APAF1: variants seen among roughly 807,000 people sequenced by gnomAD.
APAF1 encodes the protein apoptotic peptidase activating factor 1, also known as apoptotic protease-activating factor 1.
APAF1 carries 91 observed loss-of-function variants against 152.4 expected under a neutral mutation model. The observed-to-expected ratio is 0.60, with a 90% CI of 0.50 to 0.71. APAF1 has a LOEUF of 0.71. Among genes scored for constraint, APAF1 ranks in the 30% least tolerant of loss-of-function variants. The pLI, the probability that APAF1 is intolerant of heterozygous loss-of-function variation, is 0.00. For synonymous variants in APAF1, 484 were observed against 494.1 expected (o/e 0.98, Z 0.27); for missense variants, 1,283 against 1,472.0 (o/e 0.87, Z 2.10).
rs139121628 is a variant in APAF1 at position 98,709,011 on chromosome 12, A to T, written c.2841+307A>T. Among the ~76,000 whole-genome samples the T allele has an allele frequency of 5.9e-5, 9 of 152,316 alleles. No individual in the cohort carries two copies. In the East Asian group the frequency reaches 1.5e-3, roughly 26 times the overall value. ...CATGTTGTCTACAAGAGTGATTCAGACATGTCTGATGGAGTGTGCAAGGGG... is the reference window on the plus strand; with the variant it reads ...CATGTTGTCTACAAGAGTGATTCAGTCATGTCTGATGGAGTGTGCAAGGGG... On this transcript the variant is annotated intron_variant, in intron 20 of 26. Transcript: ENST00000551964.
In APAF1 at chr12:98,671,584, A is replaced by G. The variant is rs1593047221; in HGVS notation, c.1658A>G (p.His553Arg). Residue 553 changes from histidine to arginine, a missense_variant, in exon 12 of 27, where the codon CAC (histidine) becomes CGC (arginine). His to Arg is a conservative substitution (Grantham distance 29). Transcript: ENST00000551964. ...CAGGAGTTTTTATCTTTAAATGGACACCTTCTTGGACGACAGCCATTTCCT... is the reference window on the plus strand; with the variant it reads ...CAGGAGTTTTTATCTTTAAATGGACGCCTTCTTGGACGACAGCCATTTCCT... ...NFQEFLSLNG[H>R]LLGRQPFPNI... is the part of the protein sequence containing the mutation. 6.2e-7 allele frequency: 1 copy of G among 1,613,828 alleles called. No homozygotes were observed. The highest frequency in any genetic ancestry group is 1.3e-5 in the African/African-American group (1 of 74,864).
rs111960050 is a variant in APAF1 at position 98,707,910 on chromosome 12, G to A, written c.2722-675G>A. ...CTGCATCACTAGACACAGTTACAGTGTGTTTAGTGATGTAGTTGATTTACG... is the reference window on the plus strand; with the variant it reads ...CTGCATCACTAGACACAGTTACAGTATGTTTAGTGATGTAGTTGATTTACG... On this transcript the variant is annotated intron_variant, in intron 19 of 26. Transcript: ENST00000551964. 3.3e-3 allele frequency among the ~76,000 whole-genome samples: 498 copies of A among 152,268 alleles called. 6 individuals carry two copies. The highest frequency in any genetic ancestry group is 0.011 in the African/African-American group (474 of 41,572).
chr12:98,704,844 A>G (rs1593090849), intron 18 of APAF1, among the ~76,000 whole-genome samples: 1 of 152,212 alleles, frequency 6.6e-6, no homozygotes, highest in South Asian at 2.1e-4. Flanking sequence ...TAGTGTTGTA[A>G]TCTCAGCTCA....
intron 4 of APAF1, among the ~76,000 whole-genome samples, chr12:98,653,350 A>G (rs1217732946): frequency 6.6e-6 from 1 of 152,008 alleles, no homozygotes; most frequent in Non-Finnish European, 1.5e-5. Flanking sequence ...GGCATAAATT[A>G]AAGAATATTA....
At chr12:98,691,403 A>T (rs1272911924) in intron 16 of APAF1, among the ~76,000 whole-genome samples, 1 of 151,982 alleles carries the variant, frequency 6.6e-6, no homozygotes, top group East Asian at 1.9e-4. Flanking sequence ...AAAACCTTTG[A>T]TTCTTCCTTG....
At chr12:98,683,095 C>A (rs766028734) in intron 14 of APAF1, 48 bp from the exon 15 acceptor site, 2 of 1,494,666 alleles carry the variant, frequency 1.3e-6, no homozygotes, top group East Asian at 4.6e-5. Context: ...CTCTGTTCTC[C>A]CTTTGAAAAT....
chr12:98,676,429 G>A (rs568784482), intron 12 of APAF1, among the ~76,000 whole-genome samples: 4 of 151,998 alleles, frequency 2.6e-5, no homozygotes, highest in Admixed American at 6.5e-5. Context: ...AGCTCATCTC[G>A]AACTCCTGAC....
Position 98,708,723 on chromosome 12 carries a change from A to G in APAF1, c.2841+19A>G. On this transcript the variant is annotated intron_variant, in intron 20 of 26. Coordinates refer to ENST00000551964, the MANE Select transcript of APAF1 (RefSeq NM_181861.2). Reference sequence around the variant, plus strand: ...TCTGCAAGTGAGTATTTTTTAGAAAACAATTGGAAAATTGTTTTGGTTGAA... The same window carrying G: ...TCTGCAAGTGAGTATTTTTTAGAAAGCAATTGGAAAATTGTTTTGGTTGAA... The G allele has an allele frequency of 6.2e-7, 1 of 1,609,770 alleles. No homozygotes were observed. The highest frequency in any genetic ancestry group is 8.5e-7 in the Non-Finnish European group (1 of 1,177,560).
chr12:98,716,014 T>C (rs1368490158), intron 22 of APAF1, among the ~76,000 whole-genome samples: 3 of 152,358 alleles, frequency 2.0e-5, no homozygotes, highest in Non-Finnish European at 4.4e-5. Flanking sequence ...CTAAACTTAC[T>C]ATATATTCTT....
intron 12 of APAF1, 67 bp downstream of exon 12, chr12:98,671,786 G>A (rs998793363): frequency 2.7e-6 from 4 of 1,455,186 alleles, no homozygotes; most frequent in Non-Finnish European, 3.9e-6. Context: ...TTCAGGTGGT[G>A]AATACGATCA....
chr12:98,648,465 A>G lies in APAF1; in HGVS notation c.106A>G (p.Thr36Ala), dbSNP rs1269887018. 1.2e-6 allele frequency: 2 copies of G among 1,614,036 alleles called. No homozygotes were observed. The highest frequency in any genetic ancestry group is 3.3e-5 in the Admixed American group (2 of 60,016). Reference protein sequence around the residue: ...MDHMISDGFLTISEEEKVRNE... With the variant: ...MDHMISDGFLAISEEEKVRNE... The stretch of plus-strand genomic sequence containing the variant: ...TCACATGATTAGTGATGGATTTTTA[A>G]CAATATCAGAAGAGGAAAAAGTAAG... The change falls in exon 2 of 27, where the codon ACA (threonine) becomes GCA (alanine). Residue 36 changes from threonine to alanine, a missense_variant. Thr to Ala is a moderately conservative substitution (Grantham distance 58). Coordinates refer to ENST00000551964, the MANE Select transcript of APAF1 (RefSeq NM_181861.2).
At chr12:98,699,831 T>C (rs1217184110) in intron 17 of APAF1, among the ~76,000 whole-genome samples, 1 of 152,200 alleles carries the variant, frequency 6.6e-6, no homozygotes, top group South Asian at 2.1e-4. Flanking sequence ...TGAACTAACA[T>C]ATTCAGGGCC....
chr12:98,686,471 A>G (rs2097698150), intron 15 of APAF1, among the ~76,000 whole-genome samples: 1 of 152,210 alleles, frequency 6.6e-6, no homozygotes, highest in South Asian at 2.1e-4. Context: ...CCGTTGAAAT[A>G]AGTAGTAATT....
In APAF1 at chr12:98,649,562, C is replaced by T. The variant is rs774840943; in HGVS notation, c.404C>T (p.Ala135Val). 5.6e-6 allele frequency: 9 copies of T among 1,614,084 alleles called. No homozygotes were observed. In the Admixed American group the frequency reaches 6.7e-5, roughly 12 times the overall value. ...VFVTRKKLVN[A>V]IQQKLSKLKG... ...GTCACAAGGAAGAAGCTGGTGAATGCAATTCAGCAGAAGCTCTCCAAATTG... is the reference window on the plus strand; with the variant it reads ...GTCACAAGGAAGAAGCTGGTGAATGTAATTCAGCAGAAGCTCTCCAAATTG... Residue 135 changes from alanine (A) to valine (V), a missense_variant, in exon 4 of 27, where the codon GCA (alanine) becomes GTA (valine). By Grantham distance (64) the Ala-to-Val change is moderately conservative. Coordinates refer to ENST00000551964, the MANE Select transcript of APAF1 (RefSeq NM_181861.2).
intron 16 of APAF1, among the ~76,000 whole-genome samples, chr12:98,689,935 A>G (rs1374790140): frequency 6.6e-6 from 1 of 152,132 alleles, no homozygotes; most frequent in African/African-American, 2.4e-5. Context: ...ATTAGGTTGA[A>G]TATAGGTTTA....
At chr12:98,661,022 C>T (rs1174969463) in intron 5 of APAF1, among the ~76,000 whole-genome samples, 1 of 152,234 alleles carries the variant, frequency 6.6e-6, no homozygotes, top group East Asian at 1.9e-4. Context: ...CCTGCCTCAG[C>T]CTCCTAGTAG....
chr12:98,649,410 C>G, intron 3 of APAF1, 77 bp from the exon 4 acceptor site: 1 of 1,534,666 alleles, frequency 6.5e-7, no homozygotes, highest in South Asian at 1.1e-5. Context: ...CAGCTTTGCT[C>G]TTTGTTTTTT....
At chr12:98,654,427 T>C (rs556055705) in intron 4 of APAF1, among the ~76,000 whole-genome samples, 2 of 152,276 alleles carry the variant, frequency 1.3e-5, no homozygotes, top group East Asian at 3.9e-4. Flanking sequence ...TATTTTATTT[T>C]ATTTTATTTT....
Position 98,723,083 on chromosome 12 carries a change from A to G in APAF1, c.3085-110A>G. 2.7e-6 allele frequency: 3 copies of G among 1,121,258 alleles called. No individual in the cohort carries two copies. In the South Asian group the frequency reaches 3.8e-5, roughly 14 times the overall value. 69.5% of individuals were successfully genotyped at this position (1,121,258 alleles called of 1,614,324 possible). ...CTCTTATTCCTCTCTGTTTTACTGAAATGCCATGTGAGTAAAAGACTTTAG... is the reference window on the plus strand; with the variant it reads ...CTCTTATTCCTCTCTGTTTTACTGAGATGCCATGTGAGTAAAAGACTTTAG... On this transcript the variant is annotated intron_variant, in intron 22 of 26. Transcript: ENST00000551964.
Sources: allele counts gnomAD v4.1 joint callset (sites outside exome capture counted in the v4.1 genomes callset), GRCh38; gene constraint gnomAD v4.1.1; transcripts MANE v1.5; gene names NCBI Gene and HGNC (gene_info 2026-07-23, HGNC 2026-07-21).